Variants in STAC observed in about 807,000 individuals in gnomAD.
STAC encodes SH3 and cysteine rich domain.
A neutral mutation model predicts 48.8 loss-of-function variants in STAC; 43 were observed. That is an observed-to-expected ratio of 0.88 (90% CI 0.69 to 1.14). The LOEUF (loss-of-function observed/expected upper bound fraction) is 1.14, where lower values mean the gene tolerates loss of function less well. Ranked by LOEUF, STAC falls within the 50% of genes most tolerant of loss-of-function variation. STAC has a pLI of 0.00. For missense variants in STAC, 497 were observed against 504.0 expected, an observed-to-expected ratio of 0.99 and a Z score of 0.13; for synonymous variants, 193 against 179.5, an observed-to-expected ratio of 1.07 and a Z score of -0.60.
At chr3:36,464,587 C>T (rs144385787) in intron 2 of STAC, among the ~76,000 whole-genome samples, 8 of 152,168 alleles carry the variant, frequency 5.3e-5, no homozygotes, top group African/African-American at 1.9e-4. Context: ...ATCCCTCACC[C>T]CTGCAAACTC....
intron 8 of STAC, among the ~76,000 whole-genome samples, chr3:36,511,617 C>A (rs1402829262): frequency 1.3e-5 from 2 of 152,170 alleles, no homozygotes; most frequent in Admixed American, 6.5e-5. Context: ...GGAAAATAGA[C>A]CACATTTGGA....
chr3:36,498,189 A>C (rs1222702561), intron 6 of STAC, among the ~76,000 whole-genome samples: 1 of 152,208 alleles, frequency 6.6e-6, no homozygotes, highest in African/African-American at 2.4e-5. Context: ...ACCATAAAAC[A>C]TAACAAAGGA....
At chr3:36,528,194 G>A (rs1298958493) in intron 8 of STAC, among the ~76,000 whole-genome samples, 1 of 151,970 alleles carries the variant, frequency 6.6e-6, no homozygotes, top group Non-Finnish European at 1.5e-5. Flanking sequence ...TTTTTGGCTG[G>A]GCTGGATGAC....
chr3:36,414,535 T>G (rs569979065), intron 1 of STAC, among the ~76,000 whole-genome samples: 2 of 152,342 alleles, frequency 1.3e-5, no homozygotes, highest in African/African-American at 4.8e-5. Context: ...TCAGGTCCTT[T>G]AAGGACTCCT....
intron 2 of STAC, among the ~76,000 whole-genome samples, chr3:36,450,183 T>G (rs2125673721): frequency 6.6e-6 from 1 of 152,240 alleles, no homozygotes; most frequent in Non-Finnish European, 1.5e-5. Context: ...CTATTCCCAC[T>G]GAAGCTACAC....
chr3:36,508,828 T>A (rs557471202), intron 8 of STAC, among the ~76,000 whole-genome samples: 2 of 152,272 alleles, frequency 1.3e-5, no homozygotes, highest in South Asian at 4.1e-4. Flanking sequence ...ATGAGATGGG[T>A]CTCCTGAACA....
chr3:36,425,289 C>A (rs1700538089), intron 1 of STAC, among the ~76,000 whole-genome samples: 1 of 152,114 alleles, frequency 6.6e-6, no homozygotes, highest in African/African-American at 2.4e-5. Flanking sequence ...TCGCTTTTGT[C>A]CTAGTCTTAT....
chr3:36,436,767 T>C (rs556539578), intron 1 of STAC, among the ~76,000 whole-genome samples: 196 of 152,110 alleles, frequency 1.3e-3, no homozygotes, highest in Non-Finnish European at 2.4e-3. Flanking sequence ...ACCTTAAAAT[T>C]GACAAATGGG....
chr3:36,502,065 A>C (rs184347280), intron 6 of STAC, among the ~76,000 whole-genome samples: 1 of 152,242 alleles, frequency 6.6e-6, no homozygotes, highest in South Asian at 2.1e-4. Context: ...TAATCTAACT[A>C]AAAAACACAG....
chr3:36,524,189 GCCCCCA>G (rs2125728223), intron 8 of STAC, among the ~76,000 whole-genome samples: 1 of 152,282 alleles, frequency 6.6e-6, no homozygotes, highest in South Asian at 2.1e-4. Flanking sequence ...GAGTACAAGA[GCCCCCA>G]TCAAGGAGTT....
rs137908293 is a variant in STAC at position 36,480,272 on chromosome 3, T to C, written c.389-2720T>C. Among the ~76,000 whole-genome samples, 11 of 152,322 alleles carry C rather than the reference T, an allele frequency of 7.2e-5. No homozygotes were observed. The East Asian group carries it at 2.1e-3, about 29-fold the overall frequency. Reference sequence around the variant, plus strand: ...TAGCAGTCTTTCAGCTAAGTAGTTATTCTCAAAAAGGAAAAGGGACTTTTC... The same window carrying C: ...TAGCAGTCTTTCAGCTAAGTAGTTACTCTCAAAAAGGAAAAGGGACTTTTC... On this transcript the variant is annotated intron_variant, in intron 2 of 10. Transcript: ENST00000273183.
At chr3:36,481,564 A>G (rs1697647783) in intron 2 of STAC, among the ~76,000 whole-genome samples, 1 of 152,110 alleles carries the variant, frequency 6.6e-6, no homozygotes, top group Non-Finnish European at 1.5e-5. Context: ...GTCTCATACT[A>G]CCTGGACATA....
intron 2 of STAC, among the ~76,000 whole-genome samples, chr3:36,463,491 A>AT (rs534969647): frequency 7.4e-5 from 11 of 149,634 alleles, no homozygotes; most frequent in Non-Finnish European, 4.4e-5. Flanking sequence ...ATTTTTTTTA[A>AT]TTTTTTTTGG....
chr3:36,511,319 C>T (rs1478528231), intron 8 of STAC, among the ~76,000 whole-genome samples: 1 of 152,142 alleles, frequency 6.6e-6, no homozygotes, highest in Non-Finnish European at 1.5e-5. Flanking sequence ...AGAAATTAAA[C>T]ACATTGGTGC....
chr3:36,520,642 A>T (rs990846809), intron 8 of STAC, among the ~76,000 whole-genome samples: 1 of 152,232 alleles, frequency 6.6e-6, no homozygotes, highest in Non-Finnish European at 1.5e-5. Context: ...AATTTGATTT[A>T]AAAATAATCT....
At chr3:36,483,171 A>G in intron 3 of STAC, 79 bp downstream of exon 3, 1 of 1,124,944 alleles carries the variant, frequency 8.9e-7, no homozygotes, top group Non-Finnish European at 1.3e-6. Context: ...ACCCCCTCCA[A>G]AATCCTTCCC....
At chr3:36,442,625 T>A (rs1036356660) in intron 1 of STAC, among the ~76,000 whole-genome samples, 6 of 152,114 alleles carry the variant, frequency 3.9e-5, no homozygotes, top group Non-Finnish European at 7.4e-5. Context: ...GGTGCTTTTT[T>A]ATAAGTCCCA....
chr3:36,460,782 C>T (rs572733533), intron 2 of STAC, among the ~76,000 whole-genome samples: 27 of 152,292 alleles, frequency 1.8e-4, no homozygotes, highest in Admixed American at 1.6e-3. Flanking sequence ...AAAGTCCATA[C>T]TACCCAAAGC....
intron 10 of STAC, among the ~76,000 whole-genome samples, chr3:36,541,192 C>T (rs1471274889): frequency 6.6e-6 from 1 of 151,704 alleles, no homozygotes; most frequent in East Asian, 1.9e-4. Flanking sequence ...AAAAAAAAAA[C>T]TTTCCCAGAG....
Sources: gnomAD v4.1 joint callset for allele counts (sites outside exome capture counted in the v4.1 genomes callset) on GRCh38, gnomAD v4.1.1 for gene constraint, MANE v1.5 for transcripts, NCBI Gene and HGNC (gene_info 2026-07-23, HGNC 2026-07-21) for gene names.